GALNT2: variants seen among roughly 807,000 people sequenced by gnomAD.
GALNT2 encodes the protein UDP-GalNAc:polypeptide N-acetylgalactosaminyltransferase 2.
A neutral mutation model predicts 81.4 loss-of-function variants in GALNT2; 31 were observed. The ratio of observed to expected loss-of-function variants is 0.38; its 90% CI spans 0.29 to 0.51. The LOEUF is 0.51. Among genes scored for constraint, GALNT2 ranks in the 20% least tolerant of loss-of-function variants. The pLI, the probability that GALNT2 is intolerant of heterozygous loss-of-function variation, is 0.87. For synonymous variants in GALNT2, 303 were observed against 287.4 expected (o/e 1.05, Z -0.55); for missense variants, 629 against 765.7 (o/e 0.82, Z 2.11).
intron 2 of GALNT2, 33 bp from the exon 3 acceptor site, chr1:230,203,104 C>T (rs1191477103): frequency 6.3e-7 from 1 of 1,591,398 alleles, no homozygotes; most frequent in Non-Finnish European, 8.6e-7. Flanking sequence ...TCACATTTTC[C>T]CTCATCCCTA....
chr1:230,169,574 G>A (rs570975018), intron 1 of GALNT2, among the ~76,000 whole-genome samples: 5 of 152,344 alleles, frequency 3.3e-5, no homozygotes, highest in South Asian at 2.1e-4. Flanking sequence ...CCGACTGTGC[G>A]TGGAATCAAT....
chr1:230,142,719 C>CTCCG (rs10638714), intron 1 of GALNT2, among the ~76,000 whole-genome samples: 117,432 of 151,768 alleles, frequency 0.77, 45,967 homozygotes, highest in Admixed American at 0.81. Flanking sequence ...CTCTGTTCAC[C>CTCCG]TAAGTTCGCA....
intron 1 of GALNT2, among the ~76,000 whole-genome samples, chr1:230,081,368 C>T (rs1173194525): frequency 6.6e-6 from 1 of 152,078 alleles, no homozygotes; most frequent in Non-Finnish European, 1.5e-5. Context: ...TAATCTTTTC[C>T]AGCTTGTCTT....
At chr1:230,232,843 G>C (rs531209928) in intron 3 of GALNT2, among the ~76,000 whole-genome samples, 1 of 152,270 alleles carries the variant, frequency 6.6e-6, no homozygotes, top group African/African-American at 2.4e-5. Context: ...TAGATGTCAG[G>C]AGCTCTAATG....
In GALNT2 at chr1:230,243,499, C is replaced by CCAGGGGAGGTGTAACG. The variant is rs1558157401; in HGVS notation, c.729+78_729+93dup. The CCAGGGGAGGTGTAACG allele has an allele frequency of 6.4e-7, 1 of 1,561,420 alleles. No individual in the cohort carries two copies. The highest frequency in any genetic ancestry group is 8.6e-7 in the Non-Finnish European group (1 of 1,158,616). On this transcript the variant is annotated intron_variant, in intron 7 of 15. Transcript: ENST00000366672. This position sits in a 1 kb window ranked among gnomAD's most constrained non-coding sequence, Gnocchi z 4.2. ...TAGAGGGGACAGAAGGGAGCATGGT[C>CCAGGGGAGGTGTAACG]CAGGGGAGGTGTAACGCAGGGAGTA...
rs774828688 is a variant in GALNT2, at chr1:230,243,326, C to CG, written c.634dup (p.Ala212GlyfsTer19). ...TGCAGGCCTCATGCGCTCACGGGTT[C>CG]GGGGGGCCGATGCTGCCCAAGCCAA... On this transcript the variant is annotated frameshift_variant, in exon 7 of 16. Coordinates refer to ENST00000366672, the MANE Select transcript of GALNT2 (RefSeq NM_004481.5). LOFTEE classifies it high-confidence loss of function. The surrounding 1 kb of genome is among the most constrained non-coding windows in gnomAD (Gnocchi z 4.2). 4 of 1,607,476 alleles carry CG rather than the reference C, an allele frequency of 2.5e-6. No individual in the cohort carries two copies. The highest frequency in any genetic ancestry group is 1.1e-5 in the South Asian group (1 of 90,748).
chr1:230,120,212 C>G (rs1211320915), intron 1 of GALNT2, among the ~76,000 whole-genome samples: 1 of 152,184 alleles, frequency 6.6e-6, no homozygotes, highest in Non-Finnish European at 1.5e-5. Flanking sequence ...CTGGGATTCT[C>G]CAGGCCTCAG....
rs1374739963 is a variant in GALNT2 at position 230,279,439 on chromosome 1, C to T, written c.1697C>T (p.Thr566Met). The stretch of plus-strand genomic sequence containing the variant: ...GCCCTTTCGCAGCAGTGGAAGTTCA[C>T]GCTCAACCTGCAGCAGTAGGAGGGT... Reference protein sequence around the residue: ...GPALSQQWKFTLNLQQ With the variant: ...GPALSQQWKFMLNLQQ The change falls in exon 16 of 16, where the codon ACG (threonine) becomes ATG (methionine). Residue 566 changes from threonine (T) to methionine (M), a missense_variant. Thr to Met is a moderately conservative substitution (Grantham distance 81). Transcript: ENST00000366672. The surrounding 1 kb of genome is among the most constrained non-coding windows in gnomAD (Gnocchi z 4.6). The T allele has an allele frequency of 5.6e-6, 9 of 1,613,870 alleles. No homozygotes were observed. The highest frequency in any genetic ancestry group is 4.0e-5 in the African/African-American group (3 of 74,928).
chr1:230,220,281 GT>G (rs11341968), intron 3 of GALNT2, among the ~76,000 whole-genome samples: 84,562 of 147,912 alleles, frequency 0.57, 26,371 homozygotes, highest in East Asian at 0.89. Context: ...AGGTGTTTTT[GT>G]TTTTTTTTTT....
intron 1 of GALNT2, among the ~76,000 whole-genome samples, chr1:230,094,025 A>G (rs1183898547): frequency 6.6e-6 from 1 of 152,082 alleles, no homozygotes; most frequent in Admixed American, 6.5e-5. Context: ...TGTTTGAGAT[A>G]GGGTCTCGCT....
At chr1:230,221,543 CCGTCTTCCTTCCTT>C (rs1016365703) in intron 3 of GALNT2, among the ~76,000 whole-genome samples, 23 of 152,276 alleles carry the variant, frequency 1.5e-4, no homozygotes, top group Non-Finnish European at 3.2e-4. Context: ...CTCCTCTCTC[CCGTCTTCCTTCCTT>C]CATCTAGCTT....
At chr1:230,059,405 T>C (rs1444032550) in intron 1 of GALNT2, among the ~76,000 whole-genome samples, 3 of 152,210 alleles carry the variant, frequency 2.0e-5, no homozygotes, top group Non-Finnish European at 1.5e-5. Context: ...TCAATGTATA[T>C]AGAGTTTCCT....
chr1:230,160,045 T>A (rs1662383202), intron 1 of GALNT2, among the ~76,000 whole-genome samples: 1 of 152,132 alleles, frequency 6.6e-6, no homozygotes, highest in South Asian at 2.1e-4. Context: ...TAGGCCAATG[T>A]CCTTAGTTTC....
chr1:230,189,117 C>T (rs1437206231), intron 2 of GALNT2, among the ~76,000 whole-genome samples: 1 of 152,198 alleles, frequency 6.6e-6, no homozygotes, highest in Admixed American at 6.5e-5. Flanking sequence ...ACCCTTTGGT[C>T]AACGTGGCCT....
At chr1:230,202,327 C>T (rs946342548) in intron 2 of GALNT2, among the ~76,000 whole-genome samples, 1 of 152,184 alleles carries the variant, frequency 6.6e-6, no homozygotes, top group Non-Finnish European at 1.5e-5. Flanking sequence ...TGACTTCACT[C>T]GCCTAGCAGT....
At chr1:230,172,586 C>T (rs769511794) in intron 1 of GALNT2, among the ~76,000 whole-genome samples, 6 of 152,220 alleles carry the variant, frequency 3.9e-5, no homozygotes, top group African/African-American at 9.6e-5. Context: ...GTGCCCTGCA[C>T]GCATAGATTC....
At chr1:230,253,007 C>T (rs371871995) in intron 10 of GALNT2, among the ~76,000 whole-genome samples, 8 of 151,892 alleles carry the variant, frequency 5.3e-5, no homozygotes, top group African/African-American at 1.9e-4. Flanking sequence ...CCACCGTGCC[C>T]GGCTAATTTT....
At chr1:230,202,049 T>C (rs1349920246) in intron 2 of GALNT2, among the ~76,000 whole-genome samples, 1 of 152,198 alleles carries the variant, frequency 6.6e-6, no homozygotes, top group East Asian at 1.9e-4. Context: ...AAGTGGAACA[T>C]TGTAGGCCAT....
In GALNT2 at chr1:230,070,544, C is replaced by T. The variant is rs1571925083; in HGVS notation, c.126+3138C>T. Among the ~76,000 whole-genome samples, 1 of 151,998 alleles carries T rather than the reference C, an allele frequency of 6.6e-6. No homozygotes were observed. Among genetic ancestry groups the T allele is most frequent in the Non-Finnish European group, 1.5e-5 (1 of 68,018 alleles). Reference sequence around the variant, plus strand: ...TGCCTGCATGCTGGGAGGTAAGGGACGGTGTTAGTTGAGGGACATGATCCG... The same window carrying T: ...TGCCTGCATGCTGGGAGGTAAGGGATGGTGTTAGTTGAGGGACATGATCCG... On this transcript the variant is annotated intron_variant, in intron 1 of 15. Transcript: ENST00000366672. The surrounding 1 kb of genome is among the most constrained non-coding windows in gnomAD (Gnocchi z 4.7).
Sources: gnomAD v4.1 joint callset for allele counts (sites outside exome capture counted in the v4.1 genomes callset) on GRCh38, gnomAD v4.1.1 for gene constraint, Gnocchi (gnomAD v3.1) non-coding constraint, MANE v1.5 for transcripts, NCBI Gene and HGNC (gene_info 2026-07-23, HGNC 2026-07-21) for gene names.